Variants in NRXN3 observed in about 807,000 individuals in gnomAD.
The protein encoded by NRXN3 is neurexin 3, also known as neurexin III.
In NRXN3, 32 loss-of-function variants were observed where a neutral mutation model predicts 137.6. That is an observed-to-expected ratio of 0.23 (90% CI 0.18 to 0.31). The LOEUF is 0.31. Among genes scored for constraint, NRXN3 ranks in the 10% least tolerant of loss-of-function variants. The pLI, the probability that NRXN3 is intolerant of heterozygous loss-of-function variation, is 1.00. For missense variants in NRXN3, 1,574 were observed against 2,062.5 expected, an observed-to-expected ratio of 0.76 and a Z score of 4.59; for synonymous variants, 798 against 784.5, an observed-to-expected ratio of 1.02 and a Z score of -0.29.
intron 15 of NRXN3, among the ~76,000 whole-genome samples, chr14:79,007,347 C>T (rs998726185): frequency 6.6e-6 from 1 of 151,650 alleles, no homozygotes; most frequent in East Asian, 1.9e-4. Context: ...TGAGGGTTGT[C>T]GTTTCTGTCA....
chr14:78,830,124 G>A (rs139659748), intron 10 of NRXN3, among the ~76,000 whole-genome samples: 15 of 152,060 alleles, frequency 9.9e-5, no homozygotes, highest in Admixed American at 2.0e-4. Flanking sequence ...ACAATAACTC[G>A]CCCAAGATGT....
intron 10 of NRXN3, among the ~76,000 whole-genome samples, chr14:78,894,980 C>A (rs1312575493): frequency 6.6e-6 from 1 of 151,466 alleles, no homozygotes; most frequent in Non-Finnish European, 1.5e-5. Flanking sequence ...GTACTGTCAT[C>A]CAGGCTTTGT....
intron 8 of NRXN3, among the ~76,000 whole-genome samples, chr14:78,793,933 C>T (rs1333188889): frequency 6.6e-6 from 1 of 152,066 alleles, no homozygotes; most frequent in African/African-American, 2.4e-5. Flanking sequence ...ACAGTTTGAA[C>T]AACTCAGATC....
At position 78,583,080 on chromosome 14, in the gene NRXN3, T is replaced by A. The variant is rs190992827; in HGVS notation, c.758-62040T>A. Among the ~76,000 whole-genome samples, 10 of 152,248 alleles carry A rather than the reference T, an allele frequency of 6.6e-5. No individual in the cohort carries two copies. In the East Asian group the frequency reaches 1.9e-3, roughly 29 times the overall value. ...ATTAGGGCCTCTGGGATACTAACAT[T>A]CACACAGGCAATGTACTTTCCCTTC... On this transcript the variant is annotated intron_variant, in intron 4 of 20. Coordinates refer to ENST00000335750, the MANE Select transcript of NRXN3 (RefSeq NM_001330195.2).
At chr14:79,514,805 A>G (rs1307291733) in intron 16 of NRXN3, among the ~76,000 whole-genome samples, 3 of 152,104 alleles carry the variant, frequency 2.0e-5, no homozygotes, top group Non-Finnish European at 4.4e-5. Context: ...AGGGATCAAA[A>G]CTGAGGTCAC....
At chr14:78,654,866 A>G (rs1216137878) in intron 6 of NRXN3, among the ~76,000 whole-genome samples, 1 of 152,222 alleles carries the variant, frequency 6.6e-6, no homozygotes, top group African/African-American at 2.4e-5. Context: ...TCCTAAATGA[A>G]TGCTTTTAGG....
chr14:78,778,780 CT>C (rs1190763344), intron 8 of NRXN3, among the ~76,000 whole-genome samples: 3 of 116,724 alleles, frequency 2.6e-5, no homozygotes, highest in African/African-American at 3.6e-5. Context: ...TTCTTTCTTT[CT>C]TTCTTTCTTT....
intron 15 of NRXN3, among the ~76,000 whole-genome samples, chr14:79,414,951 A>G (rs546784226): frequency 3.3e-5 from 5 of 152,272 alleles, no homozygotes; most frequent in Admixed American, 1.3e-4. Flanking sequence ...AAGTGAGATC[A>G]TGCAGTATTT....
At chr14:79,529,422 CT>C (rs1460100340) in intron 16 of NRXN3, among the ~76,000 whole-genome samples, 1 of 152,212 alleles carries the variant, frequency 6.6e-6, no homozygotes, top group East Asian at 1.9e-4. Flanking sequence ...GCCGGGCTGC[CT>C]GTCTTTGATT....
At chr14:78,975,698 G>A (rs2099462820) in intron 14 of NRXN3, among the ~76,000 whole-genome samples, 1 of 152,106 alleles carries the variant, frequency 6.6e-6, no homozygotes, top group Non-Finnish European at 1.5e-5. Context: ...TACTTGACTT[G>A]GTCAAGGAGG....
chr14:78,724,031 C>G (rs1238844414), intron 8 of NRXN3, among the ~76,000 whole-genome samples: 1 of 152,170 alleles, frequency 6.6e-6, no homozygotes, highest in African/African-American at 2.4e-5. Context: ...CTCAACCAAG[C>G]TTTGGCATAT....
intron 17 of NRXN3, among the ~76,000 whole-genome samples, chr14:79,674,993 G>T (rs1206553157): frequency 6.6e-6 from 1 of 151,986 alleles, no homozygotes; most frequent in Non-Finnish European, 1.5e-5. Flanking sequence ...GTAAGACTGG[G>T]ATACACTATT....
intron 10 of NRXN3, among the ~76,000 whole-genome samples, chr14:78,845,729 G>C (rs187924034): frequency 6.6e-6 from 1 of 151,966 alleles, no homozygotes; most frequent in African/African-American, 2.4e-5. Flanking sequence ...TTCATTCTGC[G>C]TGTAAGATCT....
chr14:79,360,392 A>C (rs933401956), intron 15 of NRXN3, among the ~76,000 whole-genome samples: 2 of 152,222 alleles, frequency 1.3e-5, no homozygotes, highest in Admixed American at 1.3e-4. Context: ...GGCGTGAGCC[A>C]CTGTGCCCAG....
chr14:79,796,170 G>C (rs2160082), intron 19 of NRXN3, among the ~76,000 whole-genome samples: 1 of 152,164 alleles, frequency 6.6e-6, no homozygotes, highest in Admixed American at 6.5e-5. Flanking sequence ...TAATCAACAG[G>C]CATCTGATCT....
chr14:78,500,207 C>T (rs1400160091), intron 4 of NRXN3, among the ~76,000 whole-genome samples: 1 of 152,118 alleles, frequency 6.6e-6, no homozygotes, highest in African/African-American at 2.4e-5. Flanking sequence ...AATTATTCAG[C>T]AGAATTCTGG....
chr14:79,278,868 G>A lies in NRXN3; in HGVS notation c.3263-188353G>A, dbSNP rs180825412. 3.2e-4 allele frequency among the ~76,000 whole-genome samples: 49 copies of A among 152,298 alleles called. 2 individuals carry two copies. In the East Asian group the frequency reaches 8.5e-3, roughly 27 times the overall value. On this transcript the variant is annotated intron_variant, in intron 15 of 20. Coordinates refer to ENST00000335750, the MANE Select transcript of NRXN3 (RefSeq NM_001330195.2). ...CCCGGGAGACACACGCGCCTGGAGA[G>A]TGGTCGCCCAAGCCACCGCCAGGCA...
At chr14:79,633,615 C>T (rs1316033604) in intron 16 of NRXN3, among the ~76,000 whole-genome samples, 1 of 152,184 alleles carries the variant, frequency 6.6e-6, no homozygotes, top group Admixed American at 6.5e-5. Flanking sequence ...CAAACCACCT[C>T]TTCTGTTCTG....
chr14:79,305,745 G>A (rs987167587), intron 15 of NRXN3, among the ~76,000 whole-genome samples: 1 of 152,022 alleles, frequency 6.6e-6, no homozygotes, highest in African/African-American at 2.4e-5. Flanking sequence ...CATAGAAGAA[G>A]TAATGAACTA....
Sources: allele counts gnomAD v4.1 joint callset (sites outside exome capture counted in the v4.1 genomes callset), GRCh38; gene constraint gnomAD v4.1.1; transcripts MANE v1.5; gene names NCBI Gene and HGNC (gene_info 2026-07-23, HGNC 2026-07-21).